The following ANKIB1 variants were observed in gnomAD, a reference collection of about 807,000 sequenced individuals.
ANKIB1 encodes the protein ankyrin repeat and IBR domain containing 1, also known as ankyrin repeat and IBR domain-containing protein 1.
ANKIB1 carries 43 observed loss-of-function variants against 122.1 expected under a neutral mutation model. That is an observed-to-expected ratio of 0.35 (90% CI 0.28 to 0.45). ANKIB1 has a LOEUF of 0.45. ANKIB1 is among the 20% of genes least tolerant of loss of function. ANKIB1 has a pLI of 1.00. For missense variants in ANKIB1, 992 were observed against 1,329.5 expected (o/e 0.75, Z 3.95); for synonymous variants, 390 against 442.0 (o/e 0.88, Z 1.48).
chr7:92,252,898 A>G (rs1801358675), intron 1 of ANKIB1, among the ~76,000 whole-genome samples: 1 of 151,184 alleles, frequency 6.6e-6, no homozygotes, highest in African/African-American at 2.4e-5. Flanking sequence ...AAGGAGCCCT[A>G]TTTTTGTTTT....
At chr7:92,287,399 A>G (rs1287623591) in intron 1 of ANKIB1, among the ~76,000 whole-genome samples, 3 of 152,214 alleles carry the variant, frequency 2.0e-5, no homozygotes, top group South Asian at 2.1e-4. Flanking sequence ...TATTTGTAGA[A>G]CATCTCTCAA....
At position 92,348,385 on chromosome 7, in the gene ANKIB1, C is replaced by CTT. The variant is rs563453600; in HGVS notation, c.1086-2548_1086-2547dup. Among the ~76,000 whole-genome samples the CTT allele has an allele frequency of 3.9e-3, 520 of 134,436 alleles. 5 individuals carry two copies. The highest frequency in any genetic ancestry group is 8.9e-3 in the African/African-American group (322 of 36,252). The allele number at this position is 134,436 out of a possible 152,430, so 88.2% of individuals were successfully genotyped here. A position where few individuals can be genotyped will look rare whatever the true frequency, so the allele number is the denominator to read the frequency against. ...AGTTCTCTACTTTTAGTCTTTAAGA[C>CTT]TTTTTTTTTTTTTTTTTTGAGTTGG... is the stretch of plus-strand genomic sequence containing the variant. On this transcript the variant is annotated intron_variant, in intron 7 of 19. Coordinates refer to ENST00000265742, the MANE Select transcript of ANKIB1 (RefSeq NM_019004.2).
chr7:92,397,237 C>G (rs1242464215), intron 18 of ANKIB1, among the ~76,000 whole-genome samples: 1 of 152,112 alleles, frequency 6.6e-6, no homozygotes, highest in Admixed American at 6.5e-5. Flanking sequence ...CCTGTCATCC[C>G]AGCACTTTGG....
At chr7:92,361,403 T>G (rs1450761403) in intron 9 of ANKIB1, among the ~76,000 whole-genome samples, 1 of 152,224 alleles carries the variant, frequency 6.6e-6, no homozygotes, top group Non-Finnish European at 1.5e-5. Flanking sequence ...ACAGTGTTTT[T>G]CAAACTTTAA....
chr7:92,286,056 G>A (rs1241304546), intron 1 of ANKIB1, among the ~76,000 whole-genome samples: 1 of 152,096 alleles, frequency 6.6e-6, no homozygotes, highest in African/African-American at 2.4e-5. Flanking sequence ...ACTTAAATAT[G>A]GTCAGATCTT....
chr7:92,378,166 G>C (rs1166359238), intron 11 of ANKIB1, among the ~76,000 whole-genome samples: 4 of 152,096 alleles, frequency 2.6e-5, no homozygotes, highest in Non-Finnish European at 5.9e-5. Context: ...ATTCCAGGAA[G>C]ACAGGTTAAT....
At chr7:92,337,603 T>G (rs557324287) in intron 5 of ANKIB1, among the ~76,000 whole-genome samples, 2 of 152,310 alleles carry the variant, frequency 1.3e-5, no homozygotes, top group South Asian at 4.1e-4. Flanking sequence ...TTATGTATAT[T>G]TTGACATTAT....
At chr7:92,317,137 A>G (rs1280055365) in intron 3 of ANKIB1, among the ~76,000 whole-genome samples, 1 of 152,240 alleles carries the variant, frequency 6.6e-6, no homozygotes, top group Non-Finnish European at 1.5e-5. Context: ...TGCTATGGAT[A>G]TGATAAGTCT....
intron 4 of ANKIB1, among the ~76,000 whole-genome samples, chr7:92,323,355 T>C (rs1802954065): frequency 6.6e-6 from 1 of 152,210 alleles, no homozygotes. Context: ...ATCGTGTAAA[T>C]TGACTGTTCA....
chr7:92,303,134 A>G (rs1394370171), intron 2 of ANKIB1, among the ~76,000 whole-genome samples: 2 of 152,208 alleles, frequency 1.3e-5, no homozygotes, highest in Non-Finnish European at 1.5e-5. Context: ...GTCATATAGG[A>G]TGATAGAGCA....
intron 9 of ANKIB1, among the ~76,000 whole-genome samples, chr7:92,359,984 AC>A (rs1352016154): frequency 6.6e-6 from 1 of 152,174 alleles, no homozygotes; most frequent in Non-Finnish European, 1.5e-5. Context: ...CTGTAAAACC[AC>A]AATTATGGAA....
chr7:92,305,751 T>TA (rs1403922095), intron 2 of ANKIB1, among the ~76,000 whole-genome samples: 1 of 151,952 alleles, frequency 6.6e-6, no homozygotes, highest in East Asian at 1.9e-4. Flanking sequence ...GTAGAGAAAA[T>TA]AAGCATGTAG....
Position 92,376,782 on chromosome 7 carries a change from T to C in ANKIB1, c.1617+5175T>C, listed in dbSNP as rs115595927. Among the ~76,000 whole-genome samples the C allele has an allele frequency of 3.6e-3, 552 of 152,214 alleles. 2 individuals carry two copies. The highest frequency in any genetic ancestry group is 0.012 in the African/African-American group (507 of 41,544). On this transcript the variant is annotated intron_variant, in intron 11 of 19. Coordinates refer to ENST00000265742, the MANE Select transcript of ANKIB1 (RefSeq NM_019004.2). ...ACTTTTATATTATGAAGATGGCATC[T>C]TTCCTTAAACCTCATGAACCAATGT...
chr7:92,355,061 T>C (rs996472915), intron 9 of ANKIB1, among the ~76,000 whole-genome samples: 1 of 152,178 alleles, frequency 6.6e-6, no homozygotes, highest in East Asian at 1.9e-4. Flanking sequence ...CAAGTAGTAT[T>C]AATAGGCATT....
At chr7:92,390,814 G>A (rs772603522) in intron 15 of ANKIB1, among the ~76,000 whole-genome samples, 3 of 152,040 alleles carry the variant, frequency 2.0e-5, no homozygotes, top group Non-Finnish European at 4.4e-5. Flanking sequence ...TTGCTTGTAT[G>A]GTGCATTGAA....
chr7:92,343,228 G>A lies in ANKIB1; in HGVS notation c.992G>A (p.Ser331Asn). Residue 331 changes from serine to asparagine, a missense_variant, in exon 6 of 20, where the codon AGT (serine) becomes AAT (asparagine). Coordinates refer to ENST00000265742, the MANE Select transcript of ANKIB1 (RefSeq NM_019004.2). ...ISLSPGDLDT[S>N]LCDICMCSIS... ...TTATCTCCTGGGGATTTAGACACCA[G>A]TTTGGTATGGTTTGGTATTCACTGT... 6.2e-7 allele frequency: 1 copy of A among 1,611,104 alleles called. No homozygotes were observed. The highest frequency in any genetic ancestry group is 1.3e-5 in the African/African-American group (1 of 74,988).
At chr7:92,251,845 G>A (rs780378309) in intron 1 of ANKIB1, among the ~76,000 whole-genome samples, 10 of 152,098 alleles carry the variant, frequency 6.6e-5, no homozygotes, top group Non-Finnish European at 1.3e-4. Context: ...TACAAATTTC[G>A]TGTACTATGC....
At chr7:92,278,360 G>GGCTC (rs1801947902) in intron 1 of ANKIB1, among the ~76,000 whole-genome samples, 1 of 152,212 alleles carries the variant, frequency 6.6e-6, no homozygotes, top group South Asian at 2.1e-4. Context: ...TGTAATCATA[G>GGCTC]GCTCAGCAGT....
chr7:92,343,211 T>C lies in ANKIB1; in HGVS notation c.975T>C (p.Pro325=). The part of the protein sequence containing the change: ...VTSPDEISLS[P]GDLDTSLCDI... The stretch of plus-strand genomic sequence containing the variant: ...CCCCAGATGAAATCAGCTTATCTCC[T>C]GGGGATTTAGACACCAGTTTGGTAT... The change falls in exon 6 of 20, where the codon CCT becomes CCC. Residue 325 remains proline (P), a synonymous_variant. Transcript: ENST00000265742. 1 of 1,613,840 alleles carries C rather than the reference T, an allele frequency of 6.2e-7. No homozygotes were observed. Among genetic ancestry groups the C allele is most frequent in the South Asian group, 1.1e-5 (1 of 91,064 alleles).
Sources: gnomAD v4.1 joint callset for allele counts (sites outside exome capture counted in the v4.1 genomes callset) on GRCh38, gnomAD v4.1.1 for gene constraint, MANE v1.5 for transcripts, NCBI Gene and HGNC (gene_info 2026-07-23, HGNC 2026-07-21) for gene names.